The following ADCY5 variants were observed in gnomAD, a reference collection of about 807,000 sequenced individuals.
The protein encoded by ADCY5 is adenylate cyclase 5.
In ADCY5, 30 loss-of-function variants were observed where a neutral mutation model predicts 119.7. The observed-to-expected ratio is 0.25, with a 90% confidence interval of 0.19 to 0.34. The LOEUF (loss-of-function observed/expected upper bound fraction) is 0.34, where lower values mean the gene tolerates loss of function less well. Among genes scored for constraint, ADCY5 ranks in the 10% least tolerant of loss-of-function variants. The pLI, the probability that ADCY5 is intolerant of heterozygous loss-of-function variation, is 1.00. For synonymous variants in ADCY5, 753 were observed against 762.2 expected, an observed-to-expected ratio of 0.99 and a Z score of 0.20; for missense variants, 1,324 against 1,775.2, an observed-to-expected ratio of 0.75 and a Z score of 4.57.
chr3:123,415,107 C>T (rs1192570049), intron 1 of ADCY5, among the ~76,000 whole-genome samples: 4 of 152,184 alleles, frequency 2.6e-5, no homozygotes, highest in African/African-American at 9.7e-5. Flanking sequence ...ATGGATTCTC[C>T]CACAGCCCCC....
chr3:123,393,608 G>A (rs1222789406), intron 1 of ADCY5, among the ~76,000 whole-genome samples: 1 of 120,976 alleles, frequency 8.3e-6, no homozygotes, highest in African/African-American at 4.1e-5. Context: ...AATAAAATGA[G>A]GGTGTGAGGG....
At chr3:123,336,059 T>C (rs1431319044) in intron 3 of ADCY5, among the ~76,000 whole-genome samples, 1 of 152,200 alleles carries the variant, frequency 6.6e-6, no homozygotes, top group Admixed American at 6.5e-5. Context: ...AGCTGTGGGA[T>C]GGGCCCAGAA....
At chr3:123,390,413 G>A (rs1944370448) in intron 1 of ADCY5, among the ~76,000 whole-genome samples, 1 of 152,194 alleles carries the variant, frequency 6.6e-6, no homozygotes, top group African/African-American at 2.4e-5. Context: ...GAGCCATGGA[G>A]GGCCACCTCC....
At chr3:123,329,057 T>C (rs1024248825) in intron 5 of ADCY5, among the ~76,000 whole-genome samples, 4 of 152,250 alleles carry the variant, frequency 2.6e-5, no homozygotes, top group Non-Finnish European at 4.4e-5. Flanking sequence ...AGAGCCCTGC[T>C]GCTTCCCCTC....
At chr3:123,301,285 A>G (rs1939833789) in intron 14 of ADCY5, among the ~76,000 whole-genome samples, 1 of 152,198 alleles carries the variant, frequency 6.6e-6, no homozygotes, top group Non-Finnish European at 1.5e-5. Context: ...CCCCTAGGGC[A>G]GACCCTCAGC....
In ADCY5 at chr3:123,325,190, C is replaced by T. The variant is rs778363050; in HGVS notation, c.2088+132G>A. On this transcript the variant is annotated intron_variant, in intron 8 of 20. Transcript: ENST00000462833. ...CTCCTAGTCCAAAGTTGGGGCAAAC[C>T]GCACTTGTATTTGCTTGTGTGGCTC... is the stretch of plus-strand genomic sequence containing the variant. The T allele has an allele frequency of 1.2e-5, 15 of 1,237,622 alleles. No individual in the cohort carries two copies. The Admixed American group carries it at 1.8e-4, about 15-fold the overall frequency. The allele number at this position is 1,237,622 out of a possible 1,614,324, so 76.7% of individuals were successfully genotyped here.
intron 1 of ADCY5, chr3:123,367,824 C>T: frequency 6.6e-7 from 1 of 1,505,578 alleles, no homozygotes; most frequent in Non-Finnish European, 8.9e-7. Flanking sequence ...ACCTCTGGGG[C>T]TCATTTTAGG....
intron 7 of ADCY5, among the ~76,000 whole-genome samples, chr3:123,326,198 G>T (rs1941475322): frequency 6.6e-6 from 1 of 152,194 alleles, no homozygotes; most frequent in Non-Finnish European, 1.5e-5. Context: ...AGAGGTTTGG[G>T]TCAGTGAAGT....
Position 123,447,675 on chromosome 3 carries a change from C to A in ADCY5, c.871G>T (p.Ala291Ser). 1 of 1,605,340 alleles carries A rather than the reference C, an allele frequency of 6.2e-7. No homozygotes were observed. Among genetic ancestry groups the A allele is most frequent in the Non-Finnish European group, 8.5e-7 (1 of 1,175,484 alleles). ...CCCATGTGGTCCTGGTGGAAGGCGG[C>A]GCGGTTGCAAAGCACAGCCATGATG... is the stretch of plus-strand genomic sequence containing the variant. ...ILIMAVLCNRAAFHQDHMGLA... is the reference protein window; with the variant it reads ...ILIMAVLCNRSAFHQDHMGLA... The change falls in exon 1 of 21, where the codon GCC (alanine) becomes TCC (serine). Residue 291 changes from alanine (A) to serine (S), a missense_variant. This residue lies in a region of ADCY5 where 585 missense variants were observed against 569.9 expected (regional missense o/e 1.03). Transcript: ENST00000462833.
intron 1 of ADCY5, among the ~76,000 whole-genome samples, chr3:123,358,398 A>T (rs1398317610): frequency 6.6e-6 from 1 of 152,214 alleles, no homozygotes; most frequent in Non-Finnish European, 1.5e-5. Flanking sequence ...TGAGTCCAGG[A>T]ATTCAAGACC....
At chr3:123,298,829 A>AGTTTTT (rs1939668224) in intron 15 of ADCY5, among the ~76,000 whole-genome samples, 3 of 5,816 alleles carry the variant, frequency 5.2e-4, no homozygotes, top group Non-Finnish European at 7.3e-4. Context: ...CAAAACTGTC[A>AGTTTTT]CTTTTTTTTT....
At chr3:123,437,157 T>A (rs978466087) in intron 1 of ADCY5, among the ~76,000 whole-genome samples, 2 of 152,106 alleles carry the variant, frequency 1.3e-5, no homozygotes, top group African/African-American at 4.8e-5. Context: ...TAGAGATTAA[T>A]CCTTGCAGAG....
At chr3:123,444,561 C>T (rs996692487) in intron 1 of ADCY5, among the ~76,000 whole-genome samples, 4 of 152,148 alleles carry the variant, frequency 2.6e-5, no homozygotes, top group Non-Finnish European at 5.9e-5. Context: ...ACCTTGTGTC[C>T]TGTTCCTCCC....
intron 3 of ADCY5, among the ~76,000 whole-genome samples, chr3:123,336,143 G>A (rs918491869): frequency 6.6e-6 from 1 of 152,198 alleles, no homozygotes; most frequent in Admixed American, 6.5e-5. Flanking sequence ...CCACCACCCT[G>A]GCCCAGAGGT....
At chr3:123,298,830 C>CTTTTTTTTTTTTTTTT (rs35856404) in intron 15 of ADCY5, among the ~76,000 whole-genome samples, 18 of 102,532 alleles carry the variant, frequency 1.8e-4, no homozygotes, top group Admixed American at 3.6e-4. Context: ...AAAACTGTCA[C>CTTTTTTTTTTTTTTTT]TTTTTTTTTT....
At chr3:123,334,384 T>C (rs1333576859) in intron 3 of ADCY5, among the ~76,000 whole-genome samples, 9 of 152,300 alleles carry the variant, frequency 5.9e-5, no homozygotes, top group East Asian at 3.9e-4. Flanking sequence ...AGTTTTAAAA[T>C]TGATGTTGAA....
rs992065439 is a variant in ADCY5, at chr3:123,448,614, G to C, written c.-69C>G. Reference sequence around the variant, plus strand: ...CGGGCCGGGGGTCTCCAAGGGGAGGGCGGACGGCCGAGCAGGGGGACCAGG... The same window carrying C: ...CGGGCCGGGGGTCTCCAAGGGGAGGCCGGACGGCCGAGCAGGGGGACCAGG... On this transcript the variant is annotated 5_prime_UTR_variant, in exon 1 of 21. Coordinates refer to ENST00000462833, the MANE Select transcript of ADCY5 (RefSeq NM_183357.3). 1.9e-4 allele frequency: 236 copies of C among 1,250,952 alleles called. No individual in the cohort carries two copies. Among genetic ancestry groups the C allele is most frequent in the Non-Finnish European group, 2.3e-4 (225 of 996,588 alleles). The allele number at this position is 1,250,952 out of a possible 1,614,324, so 77.5% of individuals were successfully genotyped here. A position where few individuals can be genotyped will look rare whatever the true frequency, so the allele number is the denominator to read the frequency against.
chr3:123,363,658 C>T (rs993952726), intron 1 of ADCY5, among the ~76,000 whole-genome samples: 1 of 152,216 alleles, frequency 6.6e-6, no homozygotes, highest in Non-Finnish European at 1.5e-5. Flanking sequence ...CCTGTAATCC[C>T]ATCACTTTGG....
chr3:123,325,638 T>C (rs1941451114), intron 7 of ADCY5, among the ~76,000 whole-genome samples, 176 bp from the exon 8 acceptor site: 1 of 152,192 alleles, frequency 6.6e-6, no homozygotes, highest in African/African-American at 2.4e-5. Context: ...GCAAGCATCC[T>C]GGATCTCTCC....
Sources: allele counts gnomAD v4.1 joint callset (sites outside exome capture counted in the v4.1 genomes callset), GRCh38; gene constraint gnomAD v4.1.1; regional missense constraint gnomAD v4.1.1; transcripts MANE v1.5; gene names NCBI Gene and HGNC (gene_info 2026-07-23, HGNC 2026-07-21).